Variants in ZNRF3 observed in about 807,000 individuals in gnomAD.
The protein encoded by ZNRF3 is zinc and ring finger 3.
In ZNRF3, 23 loss-of-function variants were observed where a neutral mutation model predicts 72.5. That is an observed-to-expected ratio of 0.32 (90% CI 0.23 to 0.45). The LOEUF is 0.45. ZNRF3 is among the 20% of genes least tolerant of loss of function. ZNRF3 has a pLI of 1.00. For missense variants in ZNRF3, 1,169 were observed against 1,272.1 expected, an observed-to-expected ratio of 0.92 and a Z score of 1.23; for synonymous variants, 610 against 545.3, an observed-to-expected ratio of 1.12 and a Z score of -1.65.
intron 1 of ZNRF3, chr22:28,917,549 G>A (rs2034430967): frequency 1.4e-6 from 1 of 700,036 alleles, no homozygotes; most frequent in Non-Finnish European, 1.8e-6. Flanking sequence ...AATTTGAAGA[G>A]TATATAAAAG....
rs763405229 is a variant in ZNRF3, at chr22:29,050,751, G to A, written c.2570G>A (p.Gly857Glu). The change falls in exon 8 of 9, where the codon GGG becomes GAG. Residue 857 changes from glycine (G) to glutamate (E), a missense_variant. By Grantham distance (98) the Gly-to-Glu change is moderately conservative (BLOSUM62 -2). Around this residue, in one of 2 missense-constraint regions of ZNRF3, gnomAD observed 783 missense variants for 731.4 expected, o/e 1.07. Coordinates refer to ENST00000544604, the MANE Select transcript of ZNRF3 (RefSeq NM_001206998.2). ...QGTHSLGSWG[G>E]TRGPDTPRPH... ...ACCCACAGCCTCGGCTCCTGGGGTG[G>A]GACGCGAGGCCCGGATACCCCACGG... The A allele has an allele frequency of 2.5e-6, 4 of 1,608,644 alleles. No homozygotes were observed. Among genetic ancestry groups the A allele is most frequent in the Non-Finnish European group, 3.4e-6 (4 of 1,177,908 alleles).
At chr22:28,884,863 T>G (rs997449624) in intron 1 of ZNRF3, among the ~76,000 whole-genome samples, 1 of 152,184 alleles carries the variant, frequency 6.6e-6, no homozygotes, top group Non-Finnish European at 1.5e-5. Context: ...CTTTAAGCCG[T>G]GCCTACTCTT....
intron 1 of ZNRF3, among the ~76,000 whole-genome samples, chr22:28,925,612 C>T (rs375601436): frequency 2.1e-4 from 32 of 152,224 alleles, no homozygotes; most frequent in Admixed American, 1.4e-3. Flanking sequence ...GTTTTGCAGT[C>T]GACACCCATA....
chr22:28,962,825 T>C (rs2035388772), intron 1 of ZNRF3, among the ~76,000 whole-genome samples: 1 of 152,248 alleles, frequency 6.6e-6, no homozygotes, highest in Non-Finnish European at 1.5e-5. Flanking sequence ...GTACATTCTT[T>C]AGTTTGCAAG....
chr22:28,925,213 A>G (rs1319423037), intron 1 of ZNRF3, among the ~76,000 whole-genome samples: 2 of 152,228 alleles, frequency 1.3e-5, no homozygotes, highest in Non-Finnish European at 2.9e-5. Flanking sequence ...TCTTCCCTAC[A>G]TCAGAATTCA....
intron 1 of ZNRF3, among the ~76,000 whole-genome samples, chr22:28,966,867 C>CTTTTTTTTTTT (rs530036984): frequency 1.7e-4 from 17 of 102,434 alleles, no homozygotes; most frequent in African/African-American, 6.4e-4. Flanking sequence ...TTTTAAAAAT[C>CTTTTTTTTTTT]TTTTTTTTTT....
intron 2 of ZNRF3, among the ~76,000 whole-genome samples, chr22:29,016,024 A>AAAAC (rs1555984148): frequency 2.1e-5 from 3 of 143,032 alleles, no homozygotes; most frequent in African/African-American, 8.4e-5. Flanking sequence ...CAAAAAAAAA[A>AAAAC]AAAAACAAAA....
rs372481492 is a variant in ZNRF3, at chr22:29,048,417, G to A, written c.941G>A (p.Arg314Gln). ...EELRVIPCTH[R>Q]FHRKCVDPWL... ...CTGCGGGTCATCCCCTGTACTCACC[G>A]GTTTCACAGGAAGTGCGTGGACCCC... Residue 314 changes from arginine (R) to glutamine (Q), a missense_variant, in exon 7 of 9, where the codon CGG becomes CAG. Physicochemically the swap from Arg to Gln is conservative, Grantham distance 43. Around this residue, in one of 2 missense-constraint regions of ZNRF3, gnomAD observed 386 missense variants for 540.7 expected, o/e 0.71. Coordinates refer to ENST00000544604, the MANE Select transcript of ZNRF3 (RefSeq NM_001206998.2). The surrounding 1 kb of genome is among the most constrained non-coding windows in gnomAD (Gnocchi z 4.9). The A allele has an allele frequency of 3.7e-6, 6 of 1,614,144 alleles. No homozygotes were observed. The highest frequency in any genetic ancestry group is 2.2e-5 in the East Asian group (1 of 44,878).
At chr22:29,034,744 TA>T (rs2036834019) in intron 2 of ZNRF3, among the ~76,000 whole-genome samples, 1 of 152,186 alleles carries the variant, frequency 6.6e-6, no homozygotes, top group South Asian at 2.1e-4. Flanking sequence ...CCCTTGGAAC[TA>T]AATGTACATG....
intron 1 of ZNRF3, among the ~76,000 whole-genome samples, chr22:28,981,957 A>C (rs1262396591): frequency 6.6e-6 from 1 of 152,134 alleles, no homozygotes; most frequent in Non-Finnish European, 1.5e-5. Flanking sequence ...AGATCGCGCC[A>C]CTGTGCTCCA....
chr22:28,954,876 C>T (rs1193533527), intron 1 of ZNRF3, among the ~76,000 whole-genome samples: 1 of 151,214 alleles, frequency 6.6e-6, no homozygotes, highest in Non-Finnish European at 1.5e-5. Flanking sequence ...TGTCCTCCCA[C>T]AGTGCTGGGA....
chr22:29,040,509 A>G (rs1363727043), intron 2 of ZNRF3, among the ~76,000 whole-genome samples: 1 of 151,310 alleles, frequency 6.6e-6, no homozygotes, highest in Non-Finnish European at 1.5e-5. Context: ...TTTTTTTAAC[A>G]GATGGGGAAA....
intron 1 of ZNRF3, among the ~76,000 whole-genome samples, chr22:28,918,052 T>C (rs1242299314): frequency 6.6e-6 from 1 of 152,232 alleles, no homozygotes; most frequent in Non-Finnish European, 1.5e-5. Flanking sequence ...GCTGTTTGCG[T>C]GCTTAGAGGA....
chr22:28,995,566 C>T (rs192409586), intron 2 of ZNRF3, among the ~76,000 whole-genome samples: 2 of 152,282 alleles, frequency 1.3e-5, no homozygotes, highest in African/African-American at 4.8e-5. Context: ...AGGGGGCAGT[C>T]ACCTTATGAT....
chr22:28,996,405 A>C (rs542170296), intron 2 of ZNRF3, among the ~76,000 whole-genome samples: 1 of 152,240 alleles, frequency 6.6e-6, no homozygotes, highest in Non-Finnish European at 1.5e-5. Context: ...TTCTCAGATT[A>C]TAATTCCTAA....
chr22:29,057,484 T>C lies in ZNRF3; in HGVS notation c.*3862T>C, dbSNP rs2037319986. ...AAAAAATACAATTTTATCAAGTATG[T>C]GTTATATGTTGTCATTGGTCTGTTC... On this transcript the variant is annotated 3_prime_UTR_variant, in exon 9 of 9. Transcript: ENST00000544604. 1 of 152,218 alleles carries C rather than the reference T, an allele frequency of 6.6e-6. No individual in the cohort carries two copies. The highest frequency in any genetic ancestry group is 2.4e-5 in the African/African-American group (1 of 41,464). The allele number at this position is 152,218 out of a possible 1,614,324, so 9.4% of individuals were successfully genotyped here.
intron 2 of ZNRF3, among the ~76,000 whole-genome samples, chr22:29,012,211 C>G (rs978071761): frequency 1.3e-5 from 2 of 152,226 alleles, no homozygotes; most frequent in Non-Finnish European, 2.9e-5. Flanking sequence ...TAAGAGAGAA[C>G]TGTAGCTCTG....
Position 29,053,586 on chromosome 22 carries a change from A to T in ZNRF3, c.2775A>T (p.Arg925Ser), listed in dbSNP as rs762963884. Residue 925 changes from arginine (R) to serine (S), a missense_variant, in exon 9 of 9, where the codon AGA becomes AGT. Coordinates refer to ENST00000544604, the MANE Select transcript of ZNRF3 (RefSeq NM_001206998.2). ...STTATEAAGPRSHSADSSSPG... is the reference protein window; with the variant it reads ...STTATEAAGPSSHSADSSSPG... ...GTTCTCTCTCTTTCCCAGGACCGAGATCTCACTCAGCAGACAGCAGCAGCC... is the reference window on the plus strand; with the variant it reads ...GTTCTCTCTCTTTCCCAGGACCGAGTTCTCACTCAGCAGACAGCAGCAGCC... 6 of 1,612,776 alleles carry T rather than the reference A, an allele frequency of 3.7e-6. No homozygotes were observed. The African/African-American group carries it at 4.0e-5, about 11-fold the overall frequency.
At chr22:28,914,245 G>A (rs2034369102) in intron 1 of ZNRF3, among the ~76,000 whole-genome samples, 1 of 152,146 alleles carries the variant, frequency 6.6e-6, no homozygotes, top group Admixed American at 6.5e-5. Flanking sequence ...TGGCTATCTG[G>A]TTTTGGAGAC....
Sources: gnomAD v4.1 joint callset for allele counts (sites outside exome capture counted in the v4.1 genomes callset) on GRCh38, gnomAD v4.1.1 for gene constraint, gnomAD v4.1.1 regional missense constraint, Gnocchi (gnomAD v3.1) non-coding constraint, MANE v1.5 for transcripts, NCBI Gene and HGNC (gene_info 2026-07-23, HGNC 2026-07-21) for gene names.